Variants in PDSS2 observed in about 807,000 individuals in gnomAD.
The protein encoded by PDSS2 is all trans-polyprenyl-diphosphate synthase PDSS2.
A neutral mutation model predicts 44.5 loss-of-function variants in PDSS2; 31 were observed. The ratio of observed to expected loss-of-function variants is 0.70; its 90% CI spans 0.52 to 0.94. PDSS2 has a LOEUF of 0.94. Ranked by LOEUF, PDSS2 falls within the 40% of genes least tolerant of loss-of-function variation. The pLI, the probability that PDSS2 is intolerant of heterozygous loss-of-function variation, is 0.00. For synonymous variants in PDSS2, 157 were observed against 180.3 expected (o/e 0.87, Z 1.03); for missense variants, 452 against 482.2 (o/e 0.94, Z 0.59).
intron 1 of PDSS2, among the ~76,000 whole-genome samples, chr6:107,438,376 T>C (rs568104824): frequency 6.6e-6 from 1 of 152,110 alleles, no homozygotes; most frequent in Admixed American, 6.5e-5. Context: ...ACCGGCTAAT[T>C]TTAATTTTTT....
intron 1 of PDSS2, among the ~76,000 whole-genome samples, chr6:107,342,300 C>T (rs1240711388): frequency 1.3e-5 from 2 of 152,124 alleles, no homozygotes; most frequent in Non-Finnish European, 2.9e-5. Flanking sequence ...CTCAACTTTC[C>T]TCATTTCTCT....
chr6:107,430,491 T>C (rs1781161289), intron 1 of PDSS2, among the ~76,000 whole-genome samples: 1 of 137,136 alleles, frequency 7.3e-6, no homozygotes, highest in Non-Finnish European at 1.6e-5. Context: ...CACAGCAAGA[T>C]TCTATCTCAA....
At chr6:107,354,893 A>G (rs1778546461) in intron 1 of PDSS2, among the ~76,000 whole-genome samples, 1 of 151,894 alleles carries the variant, frequency 6.6e-6, no homozygotes, top group Non-Finnish European at 1.5e-5. Flanking sequence ...TCCTGTTTTC[A>G]TGCACCCATC....
At chr6:107,350,134 A>T (rs1158752307) in intron 1 of PDSS2, among the ~76,000 whole-genome samples, 1 of 152,176 alleles carries the variant, frequency 6.6e-6, no homozygotes, top group Non-Finnish European at 1.5e-5. Context: ...ACAATGTTGT[A>T]TTCTTCCCAC....
chr6:107,213,005 T>C (rs1582794759), intron 4 of PDSS2, among the ~76,000 whole-genome samples: 1 of 151,766 alleles, frequency 6.6e-6, no homozygotes, highest in South Asian at 2.1e-4. Context: ...ACCCTGTCTC[T>C]TTCTCTCCCC....
At chr6:107,340,729 C>A (rs1025611702) in intron 1 of PDSS2, among the ~76,000 whole-genome samples, 1 of 152,134 alleles carries the variant, frequency 6.6e-6, no homozygotes, top group African/African-American at 2.4e-5. Flanking sequence ...TCAAATTTCC[C>A]TGAGTAGGGA....
At chr6:107,336,849 TGTGTGTGTGTGTGTG>T (rs1777913251) in intron 1 of PDSS2, among the ~76,000 whole-genome samples, 1 of 144,620 alleles carries the variant, frequency 6.9e-6, no homozygotes, top group South Asian at 2.3e-4. Context: ...TGTGTGTGTG[TGTGTGTGTGTGTGTG>T]TGTGTGTGTG....
chr6:107,247,056 C>T lies in PDSS2; in HGVS notation c.631-1437G>A, dbSNP rs77957169. On this transcript the variant is annotated intron_variant, in intron 3 of 7. Transcript: ENST00000369037. The stretch of plus-strand genomic sequence containing the variant: ...TGAAGGTATCAGATAAGCCCTATTC[C>T]TAAATCCAGGAGGACTGAGTATCGC... 9.5e-3 allele frequency among the ~76,000 whole-genome samples: 1,441 copies of T among 152,190 alleles called. 25 individuals are homozygous for T. Among genetic ancestry groups the T allele is most frequent in the African/African-American group, 0.031 (1,296 of 41,526 alleles).
intron 7 of PDSS2, among the ~76,000 whole-genome samples, chr6:107,172,788 TC>T (rs1771627491): frequency 1.3e-5 from 2 of 151,354 alleles, no homozygotes; most frequent in African/African-American, 4.9e-5. Flanking sequence ...TTTTTCTTCT[TC>T]TTTTTTTTTT....
intron 1 of PDSS2, among the ~76,000 whole-genome samples, chr6:107,334,588 C>G (rs1777820456): frequency 6.6e-6 from 1 of 151,680 alleles, no homozygotes; most frequent in Non-Finnish European, 1.5e-5. Flanking sequence ...GTCACCCAGG[C>G]TGAGTGCAGT....
At chr6:107,359,723 A>G (rs919076333) in intron 1 of PDSS2, among the ~76,000 whole-genome samples, 5 of 152,014 alleles carry the variant, frequency 3.3e-5, no homozygotes, top group Non-Finnish European at 7.4e-5. Flanking sequence ...CACATATTCA[A>G]TATCAAGGTA....
At chr6:107,429,901 A>AAATACATATATATATAT (rs1166637352) in intron 1 of PDSS2, among the ~76,000 whole-genome samples, 1 of 31,858 alleles carries the variant, frequency 3.1e-5, no homozygotes, top group African/African-American at 1.3e-4. Flanking sequence ...AAAAAAAAAA[A>AAATACATATATATATAT]ATATATATAT....
At chr6:107,290,031 G>A (rs909526073) in intron 2 of PDSS2, among the ~76,000 whole-genome samples, 3 of 152,196 alleles carry the variant, frequency 2.0e-5, no homozygotes, top group East Asian at 1.9e-4. Context: ...CTTAAGCCTC[G>A]GCCCGTGATT....
chr6:107,434,943 A>T (rs904797812), intron 1 of PDSS2, among the ~76,000 whole-genome samples: 8 of 151,848 alleles, frequency 5.3e-5, no homozygotes, highest in Admixed American at 1.3e-4. Flanking sequence ...ACTCATAAAA[A>T]TTTTTTTTAA....
Position 107,417,702 on chromosome 6 carries a change from T to C in PDSS2, c.296+41288A>G, listed in dbSNP as rs181921791. Among the ~76,000 whole-genome samples, 459 of 151,810 alleles carry C rather than the reference T, an allele frequency of 3.0e-3. 3 individuals carry two copies. Among genetic ancestry groups the C allele is most frequent in the African/African-American group, 0.01 (423 of 41,398 alleles). On this transcript the variant is annotated intron_variant, in intron 1 of 7. Transcript: ENST00000369037. ...TGAACCCAGGAGGCAGAGGTTGCAGTTGAGCTGAGATCATGCCATTGCACT... is the reference window on the plus strand; with the variant it reads ...TGAACCCAGGAGGCAGAGGTTGCAGCTGAGCTGAGATCATGCCATTGCACT...
chr6:107,448,884 G>A (rs1583100792), intron 1 of PDSS2, among the ~76,000 whole-genome samples: 1 of 152,226 alleles, frequency 6.6e-6, no homozygotes, highest in Admixed American at 6.5e-5. Flanking sequence ...CAGGGGAAAT[G>A]TGAGATGCTT....
rs1345208847 is a variant in PDSS2, at chr6:107,404,567, G to A, written c.296+54423C>T. ...AGGACTCACAATCACGGCAGAAAGC[G>A]AACAAGGAGTAAAGGCACGTCTTAC... On this transcript the variant is annotated intron_variant, in intron 1 of 7. Transcript: ENST00000369037. Among the ~76,000 whole-genome samples, 3 of 152,276 alleles carry A rather than the reference G, an allele frequency of 2.0e-5. No individual in the cohort carries two copies. The East Asian group carries it at 5.8e-4, about 29-fold the overall frequency.
chr6:107,295,679 C>G (rs767360049), intron 2 of PDSS2, among the ~76,000 whole-genome samples: 11 of 152,098 alleles, frequency 7.2e-5, no homozygotes, highest in African/African-American at 9.7e-5. Context: ...AATCCATGCT[C>G]CTTCCATTTT....
chr6:107,167,747 T>C (rs12182595), intron 7 of PDSS2, among the ~76,000 whole-genome samples: 53,276 of 152,114 alleles, frequency 0.35, 9,504 homozygotes, highest in Non-Finnish European at 0.37. Context: ...CCAGTAGTCA[T>C]TCAGGAGCAG....
Sources: allele counts gnomAD v4.1 joint callset (sites outside exome capture counted in the v4.1 genomes callset), GRCh38; gene constraint gnomAD v4.1.1; transcripts MANE v1.5; gene names NCBI Gene and HGNC (gene_info 2026-07-23, HGNC 2026-07-21).